SIMC1: variants seen among roughly 807,000 people sequenced by gnomAD.
SIMC1 encodes the protein SUMO interacting motifs containing 1, also known as SUMO-interacting motif-containing protein 1.
A neutral mutation model predicts 82.3 loss-of-function variants in SIMC1; 55 were observed. The ratio of observed to expected loss-of-function variants is 0.67; its 90% CI spans 0.54 to 0.84. SIMC1 has a LOEUF of 0.84. Among genes scored for constraint, SIMC1 ranks in the 40% least tolerant of loss-of-function variants. The pLI, the probability that SIMC1 is intolerant of heterozygous loss-of-function variation, is 0.00. For synonymous variants in SIMC1, 353 were observed against 426.3 expected (o/e 0.83, Z 2.12); for missense variants, 915 against 1,107.2 (o/e 0.83, Z 2.46).
At chr5:176,277,024 C>T (rs1171927103) in intron 1 of SIMC1, among the ~76,000 whole-genome samples, 3 of 151,174 alleles carry the variant, frequency 2.0e-5, no homozygotes, top group African/African-American at 7.3e-5. Context: ...AATCGCCACA[C>T]TGACTTCCAC....
rs1417271477 is a variant in SIMC1, at chr5:176,338,601, T to G, written c.2413+1455T>G. Among the ~76,000 whole-genome samples the G allele has an allele frequency of 2.0e-5, 3 of 152,170 alleles. No individual in the cohort carries two copies. The East Asian group carries it at 5.8e-4, about 29-fold the overall frequency. On this transcript the variant is annotated intron_variant, in intron 9 of 9. Transcript: ENST00000429602. ...GTCCTTGGCCTTAGGAAATCCATAC[T>G]GAAGTATTGAGGGGTAGAGGGGTAT...
At chr5:176,284,380 C>T (rs1055045321) in intron 1 of SIMC1, among the ~76,000 whole-genome samples, 6 of 152,010 alleles carry the variant, frequency 3.9e-5, no homozygotes, top group African/African-American at 7.2e-5. Context: ...CACTCAAAAC[C>T]GCTCAACTAC....
At chr5:176,304,832 CCCG>C (rs1488510679) in intron 4 of SIMC1, among the ~76,000 whole-genome samples, 1 of 150,540 alleles carries the variant, frequency 6.6e-6, no homozygotes, top group African/African-American at 2.4e-5. Context: ...GCGCCTCTGC[CCCG>C]CCGCCCCATC....
rs575614129 is a variant in SIMC1, at chr5:176,262,558, A to G, written c.129+23921A>G. 1.1e-4 allele frequency among the ~76,000 whole-genome samples: 16 copies of G among 152,350 alleles called. No individual in the cohort carries two copies. The South Asian group carries it at 3.3e-3, about 32-fold the overall frequency. On this transcript the variant is annotated intron_variant, in intron 1 of 9. Transcript: ENST00000429602. ...GGTAGATCACGCCTGTAATCTGAGC[A>G]CTTTGGGAGGCCAAGGCAGGTGGAG...
At chr5:176,319,016 G>A (rs1365287455) in intron 5 of SIMC1, among the ~76,000 whole-genome samples, 1 of 152,232 alleles carries the variant, frequency 6.6e-6, no homozygotes, top group African/African-American at 2.4e-5. Flanking sequence ...GGCTGAGATA[G>A]GAGGATCACT....
intron 1 of SIMC1, among the ~76,000 whole-genome samples, chr5:176,280,687 A>G (rs560496117): frequency 3.9e-5 from 6 of 152,032 alleles, no homozygotes; most frequent in African/African-American, 1.2e-4. Flanking sequence ...TTTCTCTTTC[A>G]CTTATGAAGC....
intron 1 of SIMC1, among the ~76,000 whole-genome samples, chr5:176,287,221 A>G (rs1026543648): frequency 6.6e-6 from 1 of 152,240 alleles, no homozygotes; most frequent in Non-Finnish European, 1.5e-5. Flanking sequence ...AAAGACTTGG[A>G]ACCAACCCAA....
chr5:176,263,204 A>G (rs1712271375), intron 1 of SIMC1, among the ~76,000 whole-genome samples: 1 of 152,246 alleles, frequency 6.6e-6, no homozygotes, highest in Admixed American at 6.5e-5. Context: ...CAAGATGTCA[A>G]TTCTTCCTGA....
intron 6 of SIMC1, among the ~76,000 whole-genome samples, chr5:176,323,484 T>C (rs1023896587): frequency 1.3e-5 from 2 of 152,228 alleles, no homozygotes; most frequent in African/African-American, 4.8e-5. Flanking sequence ...AGATATTTTA[T>C]ATAGCACTCA....
intron 1 of SIMC1, among the ~76,000 whole-genome samples, chr5:176,256,089 A>T (rs1392850643): frequency 6.6e-6 from 1 of 152,188 alleles, no homozygotes; most frequent in Non-Finnish European, 1.5e-5. Flanking sequence ...TACCATTCTA[A>T]ATGAAGAAGA....
At chr5:176,326,814 C>T (rs138969686) in intron 7 of SIMC1, among the ~76,000 whole-genome samples, 3 of 152,140 alleles carry the variant, frequency 2.0e-5, no homozygotes, top group East Asian at 1.9e-4. Context: ...ATCTGCCCAC[C>T]GCAGTCTCCC....
At chr5:176,293,075 T>C (rs1432158760) in intron 2 of SIMC1, among the ~76,000 whole-genome samples, 1 of 152,190 alleles carries the variant, frequency 6.6e-6, no homozygotes, top group African/African-American at 2.4e-5. Context: ...TCTGTTTCTT[T>C]ATTTATGAGA....
At position 176,345,394 on chromosome 5, in the gene SIMC1, G is replaced by C. The variant is rs759556481; in HGVS notation, c.2625G>C (p.Ala875=). The change falls in exon 10 of 10, where the codon GCG becomes GCC. Residue 875 remains alanine, a synonymous_variant. Transcript: ENST00000429602. ...HLLKLLLFYA[A]DLNPDAEPFQ... ...TGAAGCTCCTGCTCTTCTATGCTGC[G>C]GACTTGAACCCTGATGCAGAGCCCT... The C allele has an allele frequency of 6.2e-6, 10 of 1,613,940 alleles. No individual in the cohort carries two copies. The highest frequency in any genetic ancestry group is 6.8e-6 in the Non-Finnish European group (8 of 1,179,882).
chr5:176,309,723 G>A (rs1764580119), intron 4 of SIMC1, among the ~76,000 whole-genome samples: 1 of 152,132 alleles, frequency 6.6e-6, no homozygotes, highest in South Asian at 2.1e-4. Context: ...AGTGCTTGAG[G>A]TTAGGGGTTC....
rs139181945 is a variant in SIMC1 at position 176,313,665 on chromosome 5, C to T, written c.1735-26C>T. On this transcript the variant is annotated intron_variant, in intron 4 of 9. Transcript: ENST00000429602. ...TCATCCAAGAGACTGAGAAGAAAGACTGACTTCTCATTCTTTTTCCCACAG... is the reference window on the plus strand; with the variant it reads ...TCATCCAAGAGACTGAGAAGAAAGATTGACTTCTCATTCTTTTTCCCACAG... The T allele has an allele frequency of 6.1e-4, 985 of 1,611,856 alleles. 6 individuals are homozygous for T. In the African/African-American group the frequency reaches 0.012, roughly 19 times the overall value.
chr5:176,255,402 T>A (rs1214419234), intron 1 of SIMC1, among the ~76,000 whole-genome samples: 1 of 151,994 alleles, frequency 6.6e-6, no homozygotes, highest in Non-Finnish European at 1.5e-5. Flanking sequence ...GCCAACATGG[T>A]GAAACCCTGT....
At chr5:176,293,997 T>C (rs1430047061) in intron 2 of SIMC1, among the ~76,000 whole-genome samples, 1 of 151,974 alleles carries the variant, frequency 6.6e-6, no homozygotes, top group Non-Finnish European at 1.5e-5. Flanking sequence ...TAATATTTAC[T>C]GTTCGCACAA....
chr5:176,245,017 G>A (rs1443621606), intron 1 of SIMC1, among the ~76,000 whole-genome samples: 2 of 151,904 alleles, frequency 1.3e-5, no homozygotes, highest in African/African-American at 2.4e-5. Context: ...CACCGCACCC[G>A]GCCAACATTT....
intron 1 of SIMC1, among the ~76,000 whole-genome samples, chr5:176,273,275 A>G (rs1265834758): frequency 1.3e-5 from 2 of 152,334 alleles, no homozygotes; most frequent in East Asian, 1.9e-4. Flanking sequence ...CTGTTCCGCA[A>G]TATTCACTGT....
Sources: allele counts gnomAD v4.1 joint callset (sites outside exome capture counted in the v4.1 genomes callset), GRCh38; gene constraint gnomAD v4.1.1; transcripts MANE v1.5; gene names NCBI Gene and HGNC (gene_info 2026-07-23, HGNC 2026-07-21).